The following SCNN1G variants were observed in gnomAD, a reference collection of about 807,000 sequenced individuals.
The protein encoded by SCNN1G is sodium channel epithelial 1 subunit gamma.
SCNN1G carries 27 observed loss-of-function variants against 64.6 expected under a neutral mutation model. That is an observed-to-expected ratio of 0.42 (90% CI 0.31 to 0.58). The LOEUF is 0.58. Among genes scored for constraint, SCNN1G ranks in the 20% least tolerant of loss-of-function variants. SCNN1G has a pLI of 0.18. For missense variants in SCNN1G, 743 were observed against 823.4 expected (o/e 0.90, Z 1.19); for synonymous variants, 330 against 314.2 (o/e 1.05, Z -0.53).
At chr16:23,204,310 T>TAC (rs1959945337) in intron 6 of SCNN1G, among the ~76,000 whole-genome samples, 6 of 75,594 alleles carry the variant, frequency 7.9e-5, no homozygotes, top group African/African-American at 2.9e-4. Context: ...TATATATATA[T>TAC]ATATATATAT....
At chr16:23,194,963 T>A (rs1448363433) in intron 5 of SCNN1G, 1 of 152,932 alleles carries the variant, frequency 6.5e-6, no homozygotes, top group Non-Finnish European at 1.5e-5. Flanking sequence ...GTGAGGCTTC[T>A]CTCTTTGGGT....
intron 6 of SCNN1G, among the ~76,000 whole-genome samples, chr16:23,208,364 A>G (rs973445159): frequency 2.0e-5 from 3 of 152,146 alleles, no homozygotes; most frequent in Non-Finnish European, 4.4e-5. Flanking sequence ...AAAAAAGCAA[A>G]AAAAATTATT....
rs1567263603 is a variant in SCNN1G at position 23,192,333 on chromosome 16, C to T, written c.619-19C>T. 6.2e-7 allele frequency: 1 copy of T among 1,608,612 alleles called. No individual in the cohort carries two copies. Among genetic ancestry groups the T allele is most frequent in the Admixed American group, 1.7e-5 (1 of 60,008 alleles). On this transcript the variant is annotated intron_variant, in intron 3 of 12. Coordinates refer to ENST00000300061, the MANE Select transcript of SCNN1G (RefSeq NM_001039.4). ...GATAGGACCGATGGCTTCAGCCTCG[C>T]ATCTCCTCTTATTCACAGTGCTCAA... is the stretch of plus-strand genomic sequence containing the variant.
At chr16:23,199,350 T>C (rs1959847744) in intron 6 of SCNN1G, among the ~76,000 whole-genome samples, 1 of 152,238 alleles carries the variant, frequency 6.6e-6, no homozygotes, top group African/African-American at 2.4e-5. Flanking sequence ...GAATAAGTTA[T>C]TGATGCAACC....
intron 6 of SCNN1G, 111 bp from the exon 7 acceptor site, chr16:23,209,639 T>C: frequency 1.3e-6 from 1 of 796,132 alleles, no homozygotes; most frequent in Non-Finnish European, 2.3e-6. Context: ...ACCAAATAGC[T>C]TCTCAGCTCC....
At chr16:23,189,736 T>C (rs1216595395) in intron 3 of SCNN1G, 65 bp downstream of exon 3, 2 of 1,478,760 alleles carry the variant, frequency 1.4e-6, no homozygotes, top group Non-Finnish European at 1.9e-6. Flanking sequence ...TCCAGGACTC[T>C]TCTCCTTGAC....
Position 23,215,606 on chromosome 16 carries a change from CT to C in SCNN1G, c.*140del. The stretch of plus-strand genomic sequence containing the variant: ...TCAGATACTCTGACCAAAAAGCCTG[CT>C]TTAAACCGCAAGATGGGGCCTGGGC... On this transcript the variant is annotated 3_prime_UTR_variant, in exon 13 of 13. Transcript: ENST00000300061. 1 of 1,033,248 alleles carries C rather than the reference CT, an allele frequency of 9.7e-7. No individual in the cohort carries two copies. The highest frequency in any genetic ancestry group is 1.5e-6 in the Non-Finnish European group (1 of 687,604). 64.0% of individuals were successfully genotyped at this position (1,033,248 alleles called of 1,614,324 possible). A position where few individuals can be genotyped will look rare whatever the true frequency, so the allele number is the denominator to read the frequency against.
chr16:23,188,123 A>C (rs1959644441), intron 2 of SCNN1G, among the ~76,000 whole-genome samples: 1 of 152,152 alleles, frequency 6.6e-6, no homozygotes, highest in Non-Finnish European at 1.5e-5. Flanking sequence ...AGGTTCTGGG[A>C]TAGAGAACTG....
chr16:23,185,696 T>C (rs1423790433), intron 1 of SCNN1G, among the ~76,000 whole-genome samples: 1 of 152,168 alleles, frequency 6.6e-6, no homozygotes, highest in Admixed American at 6.5e-5. Context: ...GCCAGGAACA[T>C]GATCTAAGGT....
chr16:23,193,019 A>G (rs1250083259), intron 4 of SCNN1G, among the ~76,000 whole-genome samples: 3 of 145,788 alleles, frequency 2.1e-5, no homozygotes, highest in African/African-American at 7.6e-5. Context: ...CAATAAGCCA[A>G]GATTGCACTA....
At position 23,203,294 on chromosome 16, in the gene SCNN1G, G is replaced by A. The variant is rs76092481; in HGVS notation, c.1077+5867G>A. Among the ~76,000 whole-genome samples, 1,331 of 152,278 alleles carry A rather than the reference G, an allele frequency of 8.7e-3. 14 individuals are homozygous for A. Among genetic ancestry groups the A allele is most frequent in the Non-Finnish European group, 0.013 (882 of 68,018 alleles). ...TGGAACAGAAACCGAAGTGCAGTGG[G>A]TCGAATGGTGAATGGAAAATGAAGA... is the stretch of plus-strand genomic sequence containing the variant. On this transcript the variant is annotated intron_variant, in intron 6 of 12. Transcript: ENST00000300061.
At chr16:23,204,624 A>T (rs1213836511) in intron 6 of SCNN1G, among the ~76,000 whole-genome samples, 1 of 151,234 alleles carries the variant, frequency 6.6e-6, no homozygotes, top group Non-Finnish European at 1.5e-5. Flanking sequence ...TGTGTTGCAA[A>T]CATCTTTCCC....
chr16:23,196,957 G>A (rs755591547), intron 5 of SCNN1G, among the ~76,000 whole-genome samples: 8 of 152,200 alleles, frequency 5.3e-5, no homozygotes, highest in Non-Finnish European at 1.0e-4. Flanking sequence ...AGGACCACAT[G>A]GAGATTCATG....
chr16:23,209,713 G>T, intron 6 of SCNN1G, 37 bp from the exon 7 acceptor site: 2 of 1,507,750 alleles, frequency 1.3e-6, no homozygotes, highest in East Asian at 4.5e-5. Context: ...GGGTCCGGGG[G>T]GAGGACAGGG....
At chr16:23,202,022 G>A (rs1260713266) in intron 6 of SCNN1G, among the ~76,000 whole-genome samples, 4 of 152,072 alleles carry the variant, frequency 2.6e-5, no homozygotes, top group Non-Finnish European at 4.4e-5. Flanking sequence ...TCGCTATGTT[G>A]CTCAGACTGG....
chr16:23,193,695 C>T (rs1021517756), intron 4 of SCNN1G, among the ~76,000 whole-genome samples: 3 of 152,116 alleles, frequency 2.0e-5, no homozygotes, highest in African/African-American at 7.2e-5. Context: ...CACTAAGCCT[C>T]TTTCACCTAT....
At chr16:23,184,088 A>G (rs1433473211) in intron 1 of SCNN1G, among the ~76,000 whole-genome samples, 2 of 152,270 alleles carry the variant, frequency 1.3e-5, no homozygotes, top group Non-Finnish European at 2.9e-5. Flanking sequence ...CTCAGGCTGC[A>G]TAATCTAATG....
chr16:23,184,615 A>G (rs1318987810), intron 1 of SCNN1G, among the ~76,000 whole-genome samples: 2 of 152,134 alleles, frequency 1.3e-5, no homozygotes, highest in Admixed American at 1.3e-4. Flanking sequence ...TGCTCTGGAC[A>G]TCTCACCTCC....
intron 6 of SCNN1G, among the ~76,000 whole-genome samples, chr16:23,204,617 G>A (rs1336624772): frequency 6.6e-6 from 1 of 150,866 alleles, no homozygotes; most frequent in Non-Finnish European, 1.5e-5. Flanking sequence ...TGCCGTATGT[G>A]TTGCAAACAT....
Sources: gnomAD v4.1 joint callset for allele counts (sites outside exome capture counted in the v4.1 genomes callset) on GRCh38, gnomAD v4.1.1 for gene constraint, MANE v1.5 for transcripts, NCBI Gene and HGNC (gene_info 2026-07-23, HGNC 2026-07-21) for gene names.